Variants in DSCAML1 observed in about 807,000 individuals in gnomAD.
DSCAML1 encodes the protein cell adhesion molecule DSCAML1.
Under a neutral mutation model 200.5 loss-of-function variants are expected in DSCAML1, and 38 were observed. The observed-to-expected ratio is 0.19, with a 90% confidence interval of 0.15 to 0.25. DSCAML1 has a LOEUF of 0.25. Ranked by LOEUF, DSCAML1 falls within the 10% of genes least tolerant of loss-of-function variation. The probability of loss-of-function intolerance (pLI) is 1.00; values close to 1 mark genes in which losing one functional copy is unlikely to be tolerated. For missense variants in DSCAML1, 2,223 were observed against 2,858.8 expected, an observed-to-expected ratio of 0.78 and a Z score of 5.07; for synonymous variants, 1,215 against 1,165.0, an observed-to-expected ratio of 1.04 and a Z score of -0.87.
intron 3 of DSCAML1, among the ~76,000 whole-genome samples, chr11:117,685,709 C>A (rs1384817087): frequency 6.6e-6 from 1 of 152,198 alleles, no homozygotes; most frequent in Non-Finnish European, 1.5e-5. Context: ...AGTGGTAGCT[C>A]AAACTCTCTG....
At chr11:117,472,912 T>C (rs2048713029) in intron 14 of DSCAML1, among the ~76,000 whole-genome samples, 1 of 152,150 alleles carries the variant, frequency 6.6e-6, no homozygotes, top group East Asian at 1.9e-4. Flanking sequence ...AGCTAGGACC[T>C]TCCACACCCG....
chr11:117,430,368 C>T (rs2047761112), intron 32 of DSCAML1, among the ~76,000 whole-genome samples: 1 of 152,244 alleles, frequency 6.6e-6, no homozygotes, highest in Non-Finnish European at 1.5e-5. Context: ...TAAGGGGATG[C>T]TCACTACCGA....
chr11:117,554,528 A>C (rs547215786), intron 3 of DSCAML1, among the ~76,000 whole-genome samples: 1 of 152,196 alleles, frequency 6.6e-6, no homozygotes, highest in South Asian at 2.1e-4. Context: ...AGGTGGGAAC[A>C]ACCACACCTG....
chr11:117,559,944 A>G (rs1205512949), intron 3 of DSCAML1, among the ~76,000 whole-genome samples: 1 of 152,056 alleles, frequency 6.6e-6, no homozygotes, highest in Non-Finnish European at 1.5e-5. Context: ...GAAGAAGCCA[A>G]AGGGGGAAAG....
intron 11 of DSCAML1, among the ~76,000 whole-genome samples, chr11:117,493,871 G>A (rs1565738005): frequency 2.0e-5 from 3 of 151,994 alleles, no homozygotes; most frequent in South Asian, 4.2e-4. Context: ...CAAGCAATTC[G>A]CCCCCCTCTC....
intron 3 of DSCAML1, among the ~76,000 whole-genome samples, chr11:117,568,575 C>A (rs2050794968): frequency 6.6e-6 from 1 of 151,032 alleles, no homozygotes; most frequent in Non-Finnish European, 1.5e-5. Flanking sequence ...TCTTATACAC[C>A]AACAACAGAC....
chr11:117,744,014 C>T (rs2054470245), intron 3 of DSCAML1, among the ~76,000 whole-genome samples: 1 of 152,208 alleles, frequency 6.6e-6, no homozygotes, highest in South Asian at 2.1e-4. Context: ...CGGATTATTG[C>T]AGAGCTGGAT....
intron 3 of DSCAML1, among the ~76,000 whole-genome samples, chr11:117,695,268 C>T (rs768936917): frequency 1.3e-5 from 2 of 151,402 alleles, no homozygotes; most frequent in Non-Finnish European, 2.9e-5. Context: ...TGATCTCTGT[C>T]CTAAATAACA....
chr11:117,616,059 A>G (rs2051804989), intron 3 of DSCAML1, among the ~76,000 whole-genome samples: 1 of 152,218 alleles, frequency 6.6e-6, no homozygotes, highest in Non-Finnish European at 1.5e-5. Flanking sequence ...TCAGGGTATC[A>G]GACACAGTAA....
chr11:117,704,704 A>G (rs993378331), intron 3 of DSCAML1, among the ~76,000 whole-genome samples: 1 of 152,158 alleles, frequency 6.6e-6, no homozygotes, highest in Non-Finnish European at 1.5e-5. Context: ...CAAAGGGAAA[A>G]GGTAGGTGTC....
chr11:117,456,760 C>G (rs1457596008), intron 19 of DSCAML1, among the ~76,000 whole-genome samples: 2 of 150,754 alleles, frequency 1.3e-5, no homozygotes, highest in Non-Finnish European at 2.9e-5. Context: ...CTGCAACTTC[C>G]ACCTCCCAGG....
At chr11:117,787,227 CA>C (rs2055372817) in intron 1 of DSCAML1, among the ~76,000 whole-genome samples, 1 of 152,168 alleles carries the variant, frequency 6.6e-6, no homozygotes, top group African/African-American at 2.4e-5. Context: ...ATGTCTACCT[CA>C]AGGGTTGTTA....
intron 21 of DSCAML1, among the ~76,000 whole-genome samples, chr11:117,441,089 T>C (rs901292491): frequency 1.3e-5 from 2 of 151,272 alleles, no homozygotes; most frequent in African/African-American, 4.9e-5. Flanking sequence ...AGTGGGGAGA[T>C]GAGGGGCTCA....
At chr11:117,574,980 C>G (rs1343294585) in intron 3 of DSCAML1, among the ~76,000 whole-genome samples, 8 of 152,046 alleles carry the variant, frequency 5.3e-5, no homozygotes, top group Admixed American at 1.3e-4. Flanking sequence ...CTCCTGAGGT[C>G]AGGAGTTCGA....
Position 117,536,584 on chromosome 11 carries a change from G to C in DSCAML1, c.512-4062C>G, listed in dbSNP as rs141617372. 3.5e-3 allele frequency among the ~76,000 whole-genome samples: 539 copies of C among 152,344 alleles called. 5 individuals are homozygous for C. Among genetic ancestry groups the C allele is most frequent in the African/African-American group, 0.013 (520 of 41,582 alleles). On this transcript the variant is annotated intron_variant, in intron 3 of 32. Transcript: ENST00000651296. ...GGTTGCTAAGGGCATTTAGTGGTTAGGGGCTTGAGTCACAAAGAACTGTTC... is the reference window on the plus strand; with the variant it reads ...GGTTGCTAAGGGCATTTAGTGGTTACGGGCTTGAGTCACAAAGAACTGTTC...
intron 3 of DSCAML1, among the ~76,000 whole-genome samples, chr11:117,672,369 T>A (rs682723): frequency 0.91 from 138,603 of 152,048 alleles, 63,615 homozygotes; most frequent in East Asian, 0.98. Flanking sequence ...AGGGGCACCC[T>A]CTAGATCTCT....
intron 3 of DSCAML1, among the ~76,000 whole-genome samples, chr11:117,695,666 A>G (rs528339215): frequency 6.6e-6 from 1 of 152,322 alleles, no homozygotes; most frequent in South Asian, 2.1e-4. Context: ...TTGAGGGTGT[A>G]CAGAGAGATC....
chr11:117,497,298 C>T (rs115179061), intron 11 of DSCAML1, among the ~76,000 whole-genome samples: 243 of 152,304 alleles, frequency 1.6e-3, no homozygotes, highest in African/African-American at 5.1e-3. Flanking sequence ...ACCTTTCTGT[C>T]CCCTAAATGA....
chr11:117,704,716 T>C (rs2053728827), intron 3 of DSCAML1, among the ~76,000 whole-genome samples: 1 of 152,194 alleles, frequency 6.6e-6, no homozygotes, highest in Admixed American at 6.5e-5. Flanking sequence ...GTAGGTGTCA[T>C]GCACACCCAC....
Sources: allele counts gnomAD v4.1 joint callset (sites outside exome capture counted in the v4.1 genomes callset), GRCh38; gene constraint gnomAD v4.1.1; transcripts MANE v1.5; gene names NCBI Gene and HGNC (gene_info 2026-07-23, HGNC 2026-07-21).